Variants in NLRP5 observed in about 807,000 individuals in gnomAD.
NLRP5 encodes NLR family pyrin domain containing 5, also known as NACHT, LRR and PYD domains-containing protein 5.
NLRP5 carries 93 observed loss-of-function variants against 113.1 expected under a neutral mutation model. The ratio of observed to expected loss-of-function variants is 0.82; its 90% CI spans 0.70 to 0.98. The LOEUF (loss-of-function observed/expected upper bound fraction) is 0.98. Among genes scored for constraint, NLRP5 ranks in the 50% least tolerant of loss-of-function variants. The probability of loss-of-function intolerance (pLI) is 0.00; values close to 1 mark genes in which losing one functional copy is unlikely to be tolerated. For missense variants in NLRP5, 1,808 were observed against 1,514.3 expected, an observed-to-expected ratio of 1.19 and a Z score of -3.22; for synonymous variants, 751 against 600.7, an observed-to-expected ratio of 1.25 and a Z score of -3.66.
intron 11 of NLRP5, among the ~76,000 whole-genome samples, chr19:56,046,835 ACTT>A (rs779293105): frequency 5.1e-4 from 77 of 152,268 alleles, no homozygotes; most frequent in Non-Finnish European, 8.8e-4. Flanking sequence ...CCCAGCCACC[ACTT>A]CTTCTTTGAA....
intron 13 of NLRP5, 53 bp downstream of exon 13, chr19:56,053,861 C>T: frequency 1.3e-6 from 2 of 1,567,122 alleles, no homozygotes; most frequent in Non-Finnish European, 1.7e-6. Flanking sequence ...GGTGGGGGAC[C>T]CCAGCATGAG....
intron 9 of NLRP5, among the ~76,000 whole-genome samples, chr19:56,035,992 G>GATGCTAC (rs1209743557): frequency 1.3e-5 from 2 of 150,768 alleles, no homozygotes; most frequent in African/African-American, 4.9e-5. Flanking sequence ...AATAACGACA[G>GATGCTAC]ATGCTTGATT....
At chr19:56,031,514 T>C (rs1029021124) in intron 7 of NLRP5, among the ~76,000 whole-genome samples, 1 of 151,158 alleles carries the variant, frequency 6.6e-6, no homozygotes, top group Non-Finnish European at 1.5e-5. Context: ...ACCTGTAATC[T>C]CAGCTACTTG....
At chr19:56,052,845 C>T (rs1983981211) in intron 12 of NLRP5, among the ~76,000 whole-genome samples, 1 of 152,208 alleles carries the variant, frequency 6.6e-6, no homozygotes, top group Admixed American at 6.5e-5. Context: ...CATCTTGGCT[C>T]TGTCAGAATC....
intron 3 of NLRP5, among the ~76,000 whole-genome samples, chr19:56,012,885 T>C (rs1055025457): frequency 6.6e-6 from 1 of 152,064 alleles, no homozygotes; most frequent in Non-Finnish European, 1.5e-5. Flanking sequence ...GTAATCTCTT[T>C]ATATACTTTC....
chr19:56,043,614 G>T (rs1198123429), intron 11 of NLRP5, among the ~76,000 whole-genome samples: 3 of 126,842 alleles, frequency 2.4e-5, no homozygotes, highest in Admixed American at 9.4e-5. Context: ...CGCCCAGGCT[G>T]CAGTGCAGTG....
intron 2 of NLRP5, among the ~76,000 whole-genome samples, chr19:56,005,326 T>C (rs1981839816): frequency 1.4e-5 from 2 of 143,126 alleles, no homozygotes. Context: ...TACACACATA[T>C]TTATATATAC....
chr19:56,028,321 CA>C lies in NLRP5; in HGVS notation c.2091del (p.Glu698SerfsTer7). On this transcript the variant is annotated frameshift_variant, in exon 7 of 15. Transcript: ENST00000390649. LOFTEE classifies it high-confidence loss of function. ...TCCACTGTCTTTTCGAGACTCAAGA[CA>C]AAGAGTTTGTTCGCTTGGCATTAAA... is the stretch of plus-strand genomic sequence containing the variant. 6.2e-7 allele frequency: 1 copy of C among 1,614,016 alleles called. No homozygotes were observed. The highest frequency in any genetic ancestry group is 8.5e-7 in the Non-Finnish European group (1 of 1,179,888).
At chr19:56,022,324 A>G (rs1178088776) in intron 6 of NLRP5, among the ~76,000 whole-genome samples, 1 of 152,130 alleles carries the variant, frequency 6.6e-6, no homozygotes, top group Non-Finnish European at 1.5e-5. Context: ...GGCTGAAGCA[A>G]TCCTCCTGCC....
intron 2 of NLRP5, 79 bp from the exon 3 acceptor site, chr19:56,008,709 C>A: frequency 7.9e-7 from 1 of 1,259,838 alleles, no homozygotes; most frequent in Non-Finnish European, 1.1e-6. Flanking sequence ...ATAATTTGGA[C>A]ACGGGACATT....
At chr19:56,059,128 T>C (rs1984262066) in intron 14 of NLRP5, among the ~76,000 whole-genome samples, 1 of 152,196 alleles carries the variant, frequency 6.6e-6, no homozygotes, top group Non-Finnish European at 1.5e-5. Context: ...ATGGTTGTGG[T>C]GATGCTTGCA....
intron 6 of NLRP5, among the ~76,000 whole-genome samples, chr19:56,026,211 G>A (rs1266933315): frequency 6.6e-6 from 1 of 152,056 alleles, no homozygotes; most frequent in Non-Finnish European, 1.5e-5. Context: ...CAGGGTTTCT[G>A]TGAGGTATAT....
In NLRP5 at chr19:56,008,917, C is replaced by G. The variant is rs1359844975; in HGVS notation, c.508+64C>G. 2.9e-6 allele frequency: 4 copies of G among 1,397,980 alleles called. No individual in the cohort carries two copies. In the Admixed American group the frequency reaches 7.5e-5, roughly 26 times the overall value. 86.6% of individuals were successfully genotyped at this position (1,397,980 alleles called of 1,614,324 possible). ...AAGACACATGGCAGCCAGTTTGCATCTCTAGGCATTAGAACCATGACTTCT... is the reference window on the plus strand; with the variant it reads ...AAGACACATGGCAGCCAGTTTGCATGTCTAGGCATTAGAACCATGACTTCT... On this transcript the variant is annotated intron_variant, in intron 3 of 14. Coordinates refer to ENST00000390649, the MANE Select transcript of NLRP5 (RefSeq NM_153447.4).
Position 56,053,949 on chromosome 19 carries a change from A to G in NLRP5, c.3299+141A>G, listed in dbSNP as rs537714609. 272 of 696,968 alleles carry G rather than the reference A, an allele frequency of 3.9e-4. 5 individuals carry two copies. The highest frequency in any genetic ancestry group is 3.0e-3 in the South Asian group (162 of 53,232). The allele number at this position is 696,968 out of a possible 1,614,324, so 43.2% of individuals were successfully genotyped here. ...GATGGAGTGCAACCTTCGCAGCACC[A>G]CAGATCTGGGTATAAGTTCCAGCTC... On this transcript the variant is annotated intron_variant, in intron 13 of 14. Transcript: ENST00000390649.
intron 7 of NLRP5, among the ~76,000 whole-genome samples, chr19:56,029,251 C>T (rs151047771): frequency 8.3e-4 from 127 of 152,154 alleles, no homozygotes; most frequent in South Asian, 2.7e-3. Context: ...TCATCTCACT[C>T]CATTTCAACT....
intron 11 of NLRP5, among the ~76,000 whole-genome samples, chr19:56,048,384 C>A (rs540916897): frequency 1.3e-5 from 2 of 152,236 alleles, no homozygotes; most frequent in Admixed American, 1.3e-4. Context: ...GGATTTGTTT[C>A]AAGATTTAGA....
chr19:56,031,044 A>G (rs1024115062), intron 7 of NLRP5, among the ~76,000 whole-genome samples: 1 of 151,820 alleles, frequency 6.6e-6, no homozygotes, highest in African/African-American at 2.4e-5. Context: ...GGGCAAACCC[A>G]TGAGGTTAGC....
At chr19:56,016,388 G>A (rs1047556368) in intron 4 of NLRP5, among the ~76,000 whole-genome samples, 10 of 152,168 alleles carry the variant, frequency 6.6e-5, no homozygotes, top group African/African-American at 2.4e-4. Context: ...CCCGACCTCA[G>A]GTGATCCACC....
intron 14 of NLRP5, among the ~76,000 whole-genome samples, chr19:56,060,629 G>A (rs1239956712): frequency 6.6e-6 from 1 of 152,152 alleles, no homozygotes; most frequent in African/African-American, 2.4e-5. Context: ...TGGATGGACT[G>A]AAAGGTCATG....
Sources: gnomAD v4.1 joint callset for allele counts (sites outside exome capture counted in the v4.1 genomes callset) on GRCh38, gnomAD v4.1.1 for gene constraint, MANE v1.5 for transcripts, NCBI Gene and HGNC (gene_info 2026-07-23, HGNC 2026-07-21) for gene names.